RANBP2: variants seen among roughly 807,000 people sequenced by gnomAD.
RANBP2 encodes RAN binding protein 2.
RANBP2 carries 57 observed loss-of-function variants against 303.6 expected under a neutral mutation model. The observed-to-expected ratio is 0.19, with a 90% CI of 0.15 to 0.23. The LOEUF is 0.23. RANBP2 is among the 10% of genes least tolerant of loss of function. The probability of loss-of-function intolerance (pLI) is 1.00; values close to 1 mark genes in which losing one functional copy is unlikely to be tolerated. For missense variants in RANBP2, 3,138 were observed against 3,780.8 expected (o/e 0.83, Z 4.46); for synonymous variants, 1,167 against 1,301.5 (o/e 0.90, Z 2.23).
chr2:109,478,605 C>T, the RANBP2 span, among the ~76,000 whole-genome samples: 2 of 152,186 alleles, frequency 1.3e-5, no homozygotes, highest in South Asian at 4.1e-4. Flanking sequence ...TCCAACATTT[C>T]TGTCAACTTT....
At chr2:108,754,788 G>GT in intron 15 of RANBP2, 117 bp from the exon 16 acceptor site, 1 of 1,461,466 alleles carries the variant, frequency 6.8e-7, no homozygotes, top group Non-Finnish European at 9.4e-7. Flanking sequence ...TATTTAAAGT[G>GT]TAAAGTGCCT....
the RANBP2 span, among the ~76,000 whole-genome samples, chr2:109,571,804 T>G: frequency 6.6e-6 from 1 of 152,196 alleles, no homozygotes; most frequent in African/African-American, 2.4e-5. Context: ...TGGTTCAAGG[T>G]GGACTGCCTC....
At chr2:109,208,274 A>G in the RANBP2 span, among the ~76,000 whole-genome samples, 1 of 152,242 alleles carries the variant, frequency 6.6e-6, no homozygotes, top group Non-Finnish European at 1.5e-5. Context: ...GCAGATCCAC[A>G]GACACTCCTG....
the RANBP2 span, among the ~76,000 whole-genome samples, chr2:108,850,382 C>T: frequency 6.6e-6 from 1 of 152,018 alleles, no homozygotes; most frequent in South Asian, 2.1e-4. Context: ...GAAGATAATA[C>T]CTAGTTATAT....
chr2:109,715,674 C>T, the RANBP2 span, among the ~76,000 whole-genome samples: 4 of 152,122 alleles, frequency 2.6e-5, no homozygotes, highest in African/African-American at 9.7e-5. Flanking sequence ...GATTAGATCA[C>T]TGGCCATTGG....
At chr2:109,506,207 C>A in the RANBP2 span, among the ~76,000 whole-genome samples, 1 of 152,204 alleles carries the variant, frequency 6.6e-6, no homozygotes, top group Non-Finnish European at 1.5e-5. Context: ...AGGCCTCAGT[C>A]CCTGTGGGTT....
At chr2:108,847,313 C>T in the RANBP2 span, among the ~76,000 whole-genome samples, 4 of 152,328 alleles carry the variant, frequency 2.6e-5, no homozygotes, top group East Asian at 7.7e-4. Flanking sequence ...TTTTCTCCCA[C>T]AACCATGCTC....
chr2:109,031,021 C>G, the RANBP2 span, among the ~76,000 whole-genome samples: 1 of 152,174 alleles, frequency 6.6e-6, no homozygotes, highest in African/African-American at 2.4e-5. Context: ...CACCTTTTGT[C>G]TCACTGACTC....
At chr2:109,019,107 A>C in the RANBP2 span, among the ~76,000 whole-genome samples, 1 of 152,112 alleles carries the variant, frequency 6.6e-6, no homozygotes, top group Non-Finnish European at 1.5e-5. Context: ...GCCACAGAGG[A>C]GGCCCGGGTT....
At chr2:109,195,722 A>T in the RANBP2 span, among the ~76,000 whole-genome samples, 1 of 151,960 alleles carries the variant, frequency 6.6e-6, no homozygotes, top group African/African-American at 2.4e-5. Flanking sequence ...TTTGGTACTC[A>T]TTTGACCTGG....
chr2:109,387,433 A>G, the RANBP2 span, among the ~76,000 whole-genome samples: 1 of 152,016 alleles, frequency 6.6e-6, no homozygotes, highest in Non-Finnish European at 1.5e-5. Flanking sequence ...ATTTCTGCCC[A>G]TGTGTCTGCT....
chr2:108,802,312 T>C, the RANBP2 span, among the ~76,000 whole-genome samples: 1 of 103,670 alleles, frequency 9.6e-6, no homozygotes, highest in African/African-American at 4.9e-5. Flanking sequence ...CCTTGAGCAG[T>C]GGTTTGTAGT....
chr2:109,584,274 C>A, the RANBP2 span, among the ~76,000 whole-genome samples: 9 of 147,818 alleles, frequency 6.1e-5, no homozygotes, highest in Admixed American at 6.2e-4. Flanking sequence ...GTCAGGAGGT[C>A]GAGACCAGCC....
At chr2:108,985,836 T>C in the RANBP2 span, among the ~76,000 whole-genome samples, 1 of 152,214 alleles carries the variant, frequency 6.6e-6, no homozygotes, top group African/African-American at 2.4e-5. Context: ...TTGGTGACCT[T>C]TCTCTGACAA....
At chr2:109,473,248 C>T in the RANBP2 span, among the ~76,000 whole-genome samples, 19 of 152,342 alleles carry the variant, frequency 1.2e-4, no homozygotes, top group Admixed American at 6.5e-4. Flanking sequence ...CATTCGACGC[C>T]TGGGCACCAC....
At chr2:109,170,704 G>A in the RANBP2 span, among the ~76,000 whole-genome samples, 1 of 152,106 alleles carries the variant, frequency 6.6e-6, no homozygotes, top group Non-Finnish European at 1.5e-5. Context: ...GTTGTTATTT[G>A]TTAATTAAAT....
At chr2:108,993,403 C>A in the RANBP2 span, among the ~76,000 whole-genome samples, 1 of 151,916 alleles carries the variant, frequency 6.6e-6, no homozygotes, top group Non-Finnish European at 1.5e-5. Flanking sequence ...GGGGGCTGGA[C>A]AAAAGGGTAT....
At chr2:109,052,747 G>A in the RANBP2 span, among the ~76,000 whole-genome samples, 2,003 of 152,144 alleles carry the variant, frequency 0.013, 47 homozygotes, top group African/African-American at 0.046. Flanking sequence ...TGATCCTCCC[G>A]CCTTGGCCTC....
chr2:108,804,925 C>A, the RANBP2 span: 1 of 1,565,086 alleles, frequency 6.4e-7, no homozygotes, highest in Non-Finnish European at 8.6e-7. Context: ...AACCGAAGTT[C>A]TTAAGGAAAA....
Sources: gnomAD v4.1 joint callset for allele counts (sites outside exome capture counted in the v4.1 genomes callset) on GRCh38, gnomAD v4.1.1 for gene constraint, MANE v1.5 for transcripts, NCBI Gene and HGNC (gene_info 2026-07-23, HGNC 2026-07-21) for gene names.